The following XYLT1 variants were observed in gnomAD, a reference collection of about 807,000 sequenced individuals.
XYLT1 encodes the protein beta-D-xylosyltransferase 1.
XYLT1 carries 36 observed loss-of-function variants against 91.3 expected under a neutral mutation model. That is an observed-to-expected ratio of 0.39 (90% CI 0.30 to 0.52). The LOEUF is 0.52. Among genes scored for constraint, XYLT1 ranks in the 20% least tolerant of loss-of-function variants. XYLT1 has a pLI of 0.68. For missense variants in XYLT1, 1,242 were observed against 1,284.5 expected (o/e 0.97, Z 0.51); for synonymous variants, 588 against 532.0 (o/e 1.11, Z -1.45).
chr16:17,225,175 A>ACTCTCTCTCTCT (rs1340850799), intron 3 of XYLT1, among the ~76,000 whole-genome samples: 6 of 88,098 alleles, frequency 6.8e-5, no homozygotes, highest in East Asian at 3.7e-4. Context: ...ACACACACAC[A>ACTCTCTCTCTCT]CACTCTCTCT....
At chr16:17,237,489 A>G (rs956083642) in intron 3 of XYLT1, among the ~76,000 whole-genome samples, 8 of 152,142 alleles carry the variant, frequency 5.3e-5, no homozygotes, top group Non-Finnish European at 2.9e-5. Flanking sequence ...CAGGCAGTGA[A>G]CTGGTTTTTC....
intron 2 of XYLT1, among the ~76,000 whole-genome samples, chr16:17,261,369 G>C (rs2033720121): frequency 3.9e-5 from 6 of 152,078 alleles, no homozygotes; most frequent in Admixed American, 3.9e-4. Context: ...TCTGTAAGCT[G>C]AGTACTGCTA....
At chr16:17,440,881 G>A (rs1029984225) in intron 1 of XYLT1, among the ~76,000 whole-genome samples, 2 of 152,046 alleles carry the variant, frequency 1.3e-5, no homozygotes, top group African/African-American at 2.4e-5. Context: ...GTGGCTGAAC[G>A]AGAAAAGCTA....
chr16:17,466,694 A>G (rs1180346931), intron 1 of XYLT1, among the ~76,000 whole-genome samples: 2 of 152,272 alleles, frequency 1.3e-5, no homozygotes, highest in African/African-American at 4.8e-5. Flanking sequence ...GTGAATACAT[A>G]GATATATTAG....
At chr16:17,147,231 C>T (rs758034226) in intron 6 of XYLT1, among the ~76,000 whole-genome samples, 8 of 152,206 alleles carry the variant, frequency 5.3e-5, no homozygotes, top group Non-Finnish European at 8.8e-5. Context: ...AAAACCCTGC[C>T]TTGACTCTGG....
intron 1 of XYLT1, among the ~76,000 whole-genome samples, chr16:17,388,067 G>A (rs539266364): frequency 3.9e-5 from 6 of 152,238 alleles, no homozygotes; most frequent in South Asian, 2.1e-4. Flanking sequence ...CTAACCTACC[G>A]AATATCACAG....
chr16:17,171,895 A>C (rs904644370), intron 5 of XYLT1, among the ~76,000 whole-genome samples: 2 of 152,266 alleles, frequency 1.3e-5, no homozygotes, highest in Non-Finnish European at 2.9e-5. Flanking sequence ...TTTAACTTCC[A>C]GTTCTCCTTT....
chr16:17,398,302 C>A (rs1324358994), intron 1 of XYLT1, among the ~76,000 whole-genome samples: 1 of 152,188 alleles, frequency 6.6e-6, no homozygotes, highest in Non-Finnish European at 1.5e-5. Context: ...AGAGGCCCAG[C>A]TCCCCATCTG....
At chr16:17,387,061 A>C (rs1423040211) in intron 1 of XYLT1, among the ~76,000 whole-genome samples, 1 of 152,114 alleles carries the variant, frequency 6.6e-6, no homozygotes, top group African/African-American at 2.4e-5. Flanking sequence ...CCTTTGAGGG[A>C]GCAGAAGAAG....
At position 17,221,927 on chromosome 16, in the gene XYLT1, C is replaced by G. The variant is rs182887980; in HGVS notation, c.914-21273G>C. Among the ~76,000 whole-genome samples the G allele has an allele frequency of 4.6e-5, 7 of 152,266 alleles. No homozygotes were observed. In the East Asian group the frequency reaches 1.4e-3, roughly 29 times the overall value. ...ATTTCCTGCTCCTATGCAGCTTGAG[C>G]AGCTCTCCTACAGGGCCGTCCTCCA... is the stretch of plus-strand genomic sequence containing the variant. On this transcript the variant is annotated intron_variant, in intron 3 of 11. Coordinates refer to ENST00000261381, the MANE Select transcript of XYLT1 (RefSeq NM_022166.4).
At chr16:17,358,114 T>A in intron 1 of XYLT1, 64 bp from the exon 2 acceptor site, 22 of 1,405,054 alleles carry the variant, frequency 1.6e-5, no homozygotes, top group Non-Finnish European at 1.9e-5. Context: ...TACCCCAGCA[T>A]CTTTTTCTTT....
chr16:17,356,245 A>C (rs2035293245), intron 2 of XYLT1, among the ~76,000 whole-genome samples: 1 of 152,234 alleles, frequency 6.6e-6, no homozygotes, highest in Admixed American at 6.5e-5. Context: ...AGTTATGTTA[A>C]GGAAAAATGT....
chr16:17,147,474 C>T (rs971518420), intron 6 of XYLT1, among the ~76,000 whole-genome samples: 14 of 152,120 alleles, frequency 9.2e-5, no homozygotes, highest in Admixed American at 8.5e-4. Context: ...ATGTCCCGGA[C>T]CATAATATTC....
chr16:17,206,457 C>T (rs1027097381), intron 3 of XYLT1, among the ~76,000 whole-genome samples: 11 of 152,114 alleles, frequency 7.2e-5, no homozygotes, highest in African/African-American at 2.4e-4. Flanking sequence ...GAGGTGGATT[C>T]AAATTCCTGC....
chr16:17,321,257 C>T (rs1319985633), intron 2 of XYLT1, among the ~76,000 whole-genome samples: 1 of 151,532 alleles, frequency 6.6e-6, no homozygotes, highest in East Asian at 1.9e-4. Flanking sequence ...CTCACAACTG[C>T]CCACTGCACA....
At chr16:17,153,067 T>C (rs1325324894) in intron 6 of XYLT1, among the ~76,000 whole-genome samples, 5 of 152,204 alleles carry the variant, frequency 3.3e-5, no homozygotes, top group Non-Finnish European at 1.5e-5. Context: ...TAATTATGTG[T>C]ATATTATCAT....
intron 6 of XYLT1, among the ~76,000 whole-genome samples, chr16:17,149,054 C>T (rs1597153016): frequency 6.6e-6 from 1 of 152,176 alleles, no homozygotes; most frequent in Admixed American, 6.5e-5. Context: ...ATTGGGACAT[C>T]CCAGGGACCA....
intron 1 of XYLT1, among the ~76,000 whole-genome samples, chr16:17,385,269 TACACACACACACACACACACACAC>T (rs566134163): frequency 1.7e-5 from 2 of 119,912 alleles, no homozygotes; most frequent in Admixed American, 8.0e-5. Context: ...TAAACACACA[TACACACACACACACACACACACAC>T]ACACACACAC....
intron 2 of XYLT1, among the ~76,000 whole-genome samples, chr16:17,272,383 C>T (rs868525834): frequency 7.2e-5 from 11 of 151,954 alleles, no homozygotes; most frequent in African/African-American, 2.7e-4. Flanking sequence ...AGGCTGGTCT[C>T]GAACTCCTGA....
Sources: allele counts gnomAD v4.1 joint callset (sites outside exome capture counted in the v4.1 genomes callset), GRCh38; gene constraint gnomAD v4.1.1; transcripts MANE v1.5; gene names NCBI Gene and HGNC (gene_info 2026-07-23, HGNC 2026-07-21).